Variants in AKAP13 observed in about 807,000 individuals in gnomAD.
AKAP13 encodes the protein A-kinase anchor protein 13.
A neutral mutation model predicts 264.5 loss-of-function variants in AKAP13; 80 were observed. The observed-to-expected ratio is 0.30, with a 90% CI of 0.25 to 0.36. The LOEUF (loss-of-function observed/expected upper bound fraction) is 0.36. AKAP13 is among the 10% of genes least tolerant of loss of function. The pLI, the probability that AKAP13 is intolerant of heterozygous loss-of-function variation, is 1.00. For synonymous variants in AKAP13, 1,380 were observed against 1,250.2 expected, an observed-to-expected ratio of 1.10 and a Z score of -2.19; for missense variants, 3,712 against 3,435.2, an observed-to-expected ratio of 1.08 and a Z score of -2.01.
chr15:85,394,011 C>A (rs1017372437), intron 1 of AKAP13, among the ~76,000 whole-genome samples: 21 of 152,204 alleles, frequency 1.4e-4, no homozygotes, highest in African/African-American at 4.8e-4. Flanking sequence ...TATTTTCCTT[C>A]ACATACAGAA....
At chr15:85,696,718 T>A (rs551245233) in intron 17 of AKAP13, among the ~76,000 whole-genome samples, 7 of 152,306 alleles carry the variant, frequency 4.6e-5, no homozygotes, top group South Asian at 2.1e-4. Context: ...ATCTATTTTT[T>A]AAAAAATTAA....
chr15:85,725,681 A>T (rs147348348), intron 26 of AKAP13, among the ~76,000 whole-genome samples: 1 of 152,172 alleles, frequency 6.6e-6, no homozygotes, highest in Non-Finnish European at 1.5e-5. Context: ...AAGATGTTAC[A>T]TAGGGGCCAA....
chr15:85,696,014 A>G (rs879919085), intron 17 of AKAP13, among the ~76,000 whole-genome samples: 1 of 152,254 alleles, frequency 6.6e-6, no homozygotes, highest in African/African-American at 2.4e-5. Context: ...CCTATTATTA[A>G]AACATTTTTA....
At chr15:85,489,840 A>G (rs771511917) in intron 2 of AKAP13, among the ~76,000 whole-genome samples, 10 of 152,244 alleles carry the variant, frequency 6.6e-5, no homozygotes, top group Non-Finnish European at 1.2e-4. Flanking sequence ...GGATGTTTCA[A>G]TTAAGCTCTT....
intron 1 of AKAP13, among the ~76,000 whole-genome samples, chr15:85,465,961 T>A (rs2074722126): frequency 4.0e-5 from 6 of 149,990 alleles, no homozygotes; most frequent in African/African-American, 1.2e-4. Flanking sequence ...TAGTTTACAG[T>A]CCCACCAACA....
intron 1 of AKAP13, among the ~76,000 whole-genome samples, chr15:85,471,912 T>G (rs1400936083): frequency 6.6e-6 from 1 of 152,228 alleles, no homozygotes; most frequent in Non-Finnish European, 1.5e-5. Context: ...TAGAAATGCA[T>G]TAAATTTGTA....
chr15:85,484,850 T>G (rs2075481029), intron 1 of AKAP13, among the ~76,000 whole-genome samples: 1 of 152,226 alleles, frequency 6.6e-6, no homozygotes, highest in African/African-American at 2.4e-5. Context: ...GAATGACACT[T>G]TATACTGTTA....
chr15:85,718,917 CA>C lies in AKAP13; in HGVS notation c.6002-152del. 2 of 1,041,048 alleles carry C rather than the reference CA, an allele frequency of 1.9e-6. No homozygotes were observed. The highest frequency in any genetic ancestry group is 2.7e-6 in the Non-Finnish European group (2 of 742,608). The allele number at this position is 1,041,048 out of a possible 1,614,324, so 64.5% of individuals were successfully genotyped here. On this transcript the variant is annotated intron_variant, in intron 22 of 36. Coordinates refer to ENST00000394518, the MANE Select transcript of AKAP13 (RefSeq NM_007200.5). The surrounding 1 kb of genome is among the most constrained non-coding windows in gnomAD (Gnocchi z 4.9). ...CTGTCTTAAAAAAAAAACAAAAAAA[CA>C]AAAAAACGAGAACACTTTTAGGGGA...
chr15:85,727,150 A>T lies in AKAP13; in HGVS notation c.6907A>T (p.Met2303Leu). The T allele has an allele frequency of 6.2e-7, 1 of 1,614,216 alleles. No homozygotes were observed. Among genetic ancestry groups the T allele is most frequent in the Non-Finnish European group, 8.5e-7 (1 of 1,180,032 alleles). ...GGAGAAAGGTTTATTCCTGATCAGC[A>T]TGGGGATGACAGATCCAGAGATGGT... is the stretch of plus-strand genomic sequence containing the variant. Reference protein sequence around the residue: ...HEEKGLFLISMGMTDPEMVEV... With the variant: ...HEEKGLFLISLGMTDPEMVEV... Residue 2303 changes from methionine to leucine, a missense_variant, in exon 28 of 37, where the codon ATG becomes TTG. Around this residue, in one of 3 missense-constraint regions of AKAP13, gnomAD observed 342 missense variants for 484.3 expected, o/e 0.71. Coordinates refer to ENST00000394518, the MANE Select transcript of AKAP13 (RefSeq NM_007200.5). This position sits in a 1 kb window ranked among gnomAD's most constrained non-coding sequence, Gnocchi z 5.3.
chr15:85,451,438 G>A lies in AKAP13; in HGVS notation c.-11-34272G>A, dbSNP rs2074085844. Among the ~76,000 whole-genome samples the A allele has an allele frequency of 7.9e-5, 12 of 152,208 alleles. No homozygotes were observed. In the South Asian group the frequency reaches 2.5e-3, roughly 32 times the overall value. On this transcript the variant is annotated intron_variant, in intron 1 of 36. Transcript: ENST00000394518. ...GTGCTGTTAGCTGGTTATTATGTTG[G>A]CTTGTTTGTGTGGTTGATTTACAGT...
At chr15:85,416,924 T>C (rs758725277) in intron 1 of AKAP13, among the ~76,000 whole-genome samples, 2 of 152,220 alleles carry the variant, frequency 1.3e-5, no homozygotes, top group African/African-American at 2.4e-5. Flanking sequence ...CAAATGATTA[T>C]AGGATTGACA....
chr15:85,478,510 C>T (rs530132798), intron 1 of AKAP13, among the ~76,000 whole-genome samples: 1 of 151,964 alleles, frequency 6.6e-6, no homozygotes, highest in East Asian at 1.9e-4. Context: ...TGTGTTTGGC[C>T]CAAACTCAGG....
At chr15:85,703,850 AAAAATAT>A (rs1344117926) in intron 17 of AKAP13, among the ~76,000 whole-genome samples, 1 of 138,934 alleles carries the variant, frequency 7.2e-6, no homozygotes, top group Non-Finnish European at 1.6e-5. Flanking sequence ...CTCAAAAAAA[AAAAATAT>A]ATATATATAT....
chr15:85,518,289 C>G (rs2076683053), intron 2 of AKAP13, among the ~76,000 whole-genome samples: 1 of 152,142 alleles, frequency 6.6e-6, no homozygotes, highest in African/African-American at 2.4e-5. Flanking sequence ...ATAGTAGGTA[C>G]CTGGTTCTAC....
chr15:85,737,410 G>A (rs1019398104), intron 33 of AKAP13, among the ~76,000 whole-genome samples: 4 of 152,038 alleles, frequency 2.6e-5, no homozygotes, highest in African/African-American at 4.8e-5. Context: ...AATAGAAGCC[G>A]ATACATGATA....
At chr15:85,544,003 C>T in intron 5 of AKAP13, 48 bp downstream of exon 5, 1 of 1,602,072 alleles carries the variant, frequency 6.2e-7, no homozygotes, top group Non-Finnish European at 8.5e-7. Context: ...CCCAGCCCCA[C>T]CCCCGATTCA....
At chr15:85,436,547 A>G (rs199983496) in intron 1 of AKAP13, among the ~76,000 whole-genome samples, 13,585 of 148,504 alleles carry the variant, frequency 0.091, 619 homozygotes, top group East Asian at 0.28. Context: ...CCTATTCCAA[A>G]ATTGACCACA....
rs921324822 is a variant in AKAP13, at chr15:85,406,570, G to A, written c.-12+25772G>A. The stretch of plus-strand genomic sequence containing the variant: ...TGGGGAGAATTTTTTTTCTTTAAGT[G>A]TAGATCAATTATGGTATAGGACATT... On this transcript the variant is annotated intron_variant, in intron 1 of 36. Transcript: ENST00000394518. Among the ~76,000 whole-genome samples, 3 of 150,912 alleles carry A rather than the reference G, an allele frequency of 2.0e-5. 1 individual carries two copies. The highest frequency in any genetic ancestry group is 2.1e-4 in the South Asian group (1 of 4,796).
chr15:85,612,366 T>G (rs2080676720), intron 8 of AKAP13, among the ~76,000 whole-genome samples: 1 of 152,222 alleles, frequency 6.6e-6, no homozygotes, highest in Non-Finnish European at 1.5e-5. Flanking sequence ...AATAAATACT[T>G]TTCAAGATCT....
Sources: allele counts gnomAD v4.1 joint callset (sites outside exome capture counted in the v4.1 genomes callset), GRCh38; gene constraint gnomAD v4.1.1; regional missense constraint gnomAD v4.1.1; non-coding constraint Gnocchi (gnomAD v3.1); transcripts MANE v1.5; gene names NCBI Gene and HGNC (gene_info 2026-07-23, HGNC 2026-07-21).